ADAMTS19: variants seen among roughly 807,000 people sequenced by gnomAD.
The protein encoded by ADAMTS19 is ADAM metallopeptidase with thrombospondin type 1 motif 19.
A neutral mutation model predicts 153.3 loss-of-function variants in ADAMTS19; 93 were observed. The observed-to-expected ratio is 0.61, with a 90% CI of 0.51 to 0.72. The LOEUF is 0.72. Ranked by LOEUF, ADAMTS19 falls within the 30% of genes least tolerant of loss-of-function variation. The probability of loss-of-function intolerance (pLI) is 0.00; values close to 1 mark genes in which losing one functional copy is unlikely to be tolerated. For synonymous variants in ADAMTS19, 600 were observed against 556.6 expected (o/e 1.08, Z -1.10); for missense variants, 1,482 against 1,552.1 (o/e 0.95, Z 0.76).
intron 15 of ADAMTS19, 149 bp downstream of exon 15, chr5:129,658,886 A>G (rs1218654952): frequency 3.4e-6 from 3 of 891,556 alleles, no homozygotes; most frequent in Non-Finnish European, 4.8e-6. Context: ...CATACAATAC[A>G]TGTGATATGA....
intron 21 of ADAMTS19, among the ~76,000 whole-genome samples, chr5:129,713,054 G>A (rs1012794526): frequency 5.9e-5 from 9 of 152,116 alleles, no homozygotes; most frequent in African/African-American, 2.2e-4. Flanking sequence ...CAGCGTAATA[G>A]GGAATCTATA....
chr5:129,737,188 C>T lies in ADAMTS19; in HGVS notation c.3612C>T (p.Phe1204=). 6.2e-7 allele frequency: 1 copy of T among 1,607,508 alleles called. No individual in the cohort carries two copies. The highest frequency in any genetic ancestry group is 8.5e-7 in the Non-Finnish European group (1 of 1,175,784). The part of the protein sequence containing the change: ...YQRCCETCRD[F]YAQKLQQKS Reference sequence around the variant, plus strand: ...GCTGCTGTGAAACATGCAGGGACTTCTATGCCCAAAAGCTGCAGCAGAAGA... The same window carrying T: ...GCTGCTGTGAAACATGCAGGGACTTTTATGCCCAAAAGCTGCAGCAGAAGA... Residue 1204 remains phenylalanine (F), a synonymous_variant, in exon 23 of 23, where the codon TTC becomes TTT. Transcript: ENST00000274487.
chr5:129,461,851 C>A lies in ADAMTS19; in HGVS notation c.747+94C>A. 1 of 1,432,126 alleles carries A rather than the reference C, an allele frequency of 7.0e-7. No individual in the cohort carries two copies. The highest frequency in any genetic ancestry group is 1.6e-5 in the South Asian group (1 of 63,364). The allele number at this position is 1,432,126 out of a possible 1,614,324, so 88.7% of individuals were successfully genotyped here. The stretch of plus-strand genomic sequence containing the variant: ...GATTTGCATGCACCTTCTCCCCTTT[C>A]AGTGTGCTCCTTTTGAGCTTGGCCC... On this transcript the variant is annotated intron_variant, in intron 2 of 22. Transcript: ENST00000274487. The surrounding 1 kb of genome is among the most constrained non-coding windows in gnomAD (Gnocchi z 4.6).
chr5:129,474,179 A>G (rs758068319), intron 2 of ADAMTS19, among the ~76,000 whole-genome samples: 3 of 152,088 alleles, frequency 2.0e-5, no homozygotes, highest in Non-Finnish European at 4.4e-5. Flanking sequence ...GTCCTCATTC[A>G]CTTAGCATGA....
intron 6 of ADAMTS19, among the ~76,000 whole-genome samples, chr5:129,551,173 A>T (rs2126822232): frequency 6.6e-6 from 1 of 151,792 alleles, no homozygotes; most frequent in Admixed American, 6.6e-5. Context: ...TAAGAGGTAG[A>T]TTAAAAGTTT....
chr5:129,585,529 T>C (rs1300427761), intron 7 of ADAMTS19, among the ~76,000 whole-genome samples: 1 of 152,198 alleles, frequency 6.6e-6, no homozygotes, highest in African/African-American at 2.4e-5. Flanking sequence ...ACTATATCCC[T>C]ACTACATATT....
At chr5:129,610,059 T>C (rs1330087011) in intron 8 of ADAMTS19, among the ~76,000 whole-genome samples, 1 of 150,288 alleles carries the variant, frequency 6.7e-6, no homozygotes, top group East Asian at 1.9e-4. Context: ...TAACAACTTC[T>C]GTTCTCTGAA....
At chr5:129,468,594 C>T (rs566577375) in intron 2 of ADAMTS19, among the ~76,000 whole-genome samples, 6 of 152,052 alleles carry the variant, frequency 3.9e-5, no homozygotes, top group African/African-American at 9.6e-5. Flanking sequence ...CCTCATGATC[C>T]GCCCACCTTG....
At chr5:129,589,294 C>CT (rs1270868838) in intron 7 of ADAMTS19, among the ~76,000 whole-genome samples, 3 of 151,116 alleles carry the variant, frequency 2.0e-5, no homozygotes, top group Non-Finnish European at 4.4e-5. Context: ...GGTCAGCTTC[C>CT]TTTTTTTTGT....
intron 18 of ADAMTS19, among the ~76,000 whole-genome samples, chr5:129,688,538 A>T (rs1214702819): frequency 6.6e-6 from 1 of 152,148 alleles, no homozygotes; most frequent in African/African-American, 2.4e-5. Flanking sequence ...TATTTCAAAT[A>T]TGTATTTATT....
intron 20 of ADAMTS19, 56 bp downstream of exon 20, chr5:129,701,648 A>G: frequency 6.4e-7 from 1 of 1,570,480 alleles, no homozygotes; most frequent in South Asian, 1.2e-5. Context: ...AGCTTGTACA[A>G]GATCAGGTTG....
chr5:129,659,811 C>T (rs1753746703), intron 15 of ADAMTS19, among the ~76,000 whole-genome samples: 1 of 152,058 alleles, frequency 6.6e-6, no homozygotes, highest in South Asian at 2.1e-4. Context: ...CTGGTCTCAA[C>T]TCCTGGGCTC....
chr5:129,639,349 C>A (rs1358763742), intron 10 of ADAMTS19, among the ~76,000 whole-genome samples: 2 of 152,102 alleles, frequency 1.3e-5, no homozygotes, highest in Non-Finnish European at 2.9e-5. Context: ...CATTTTCTTG[C>A]CTTACTTGTG....
At chr5:129,683,995 A>G (rs1754948522) in intron 17 of ADAMTS19, 125 bp from the exon 18 acceptor site, 2 of 1,005,354 alleles carry the variant, frequency 2.0e-6, no homozygotes, top group Non-Finnish European at 2.8e-6. Flanking sequence ...CCACAACAGC[A>G]ACAACAACAA....
chr5:129,580,783 T>A (rs1004669116), intron 7 of ADAMTS19, among the ~76,000 whole-genome samples: 1 of 152,166 alleles, frequency 6.6e-6, no homozygotes, highest in Non-Finnish European at 1.5e-5. Context: ...GGGGTGAAGC[T>A]GACTTGATCG....
chr5:129,556,704 C>T (rs1753325398), intron 7 of ADAMTS19, among the ~76,000 whole-genome samples: 1 of 151,970 alleles, frequency 6.6e-6, no homozygotes, highest in Admixed American at 6.6e-5. Flanking sequence ...GACATGATTA[C>T]TAAAGAAAGA....
chr5:129,626,819 T>C (rs1752072315), intron 10 of ADAMTS19, among the ~76,000 whole-genome samples: 1 of 152,102 alleles, frequency 6.6e-6, no homozygotes, highest in African/African-American at 2.4e-5. Context: ...GCATATCTAA[T>C]ATGTTAGTTG....
rs141665504 is a variant in ADAMTS19 at position 129,516,349 on chromosome 5, T to C, written c.913+7107T>C. ...GGAAGTATTCCCTCCTCTTATATAT[T>C]TTTTGGAATAGTTTGACTAGGATGG... On this transcript the variant is annotated intron_variant, in intron 3 of 22. Coordinates refer to ENST00000274487, the MANE Select transcript of ADAMTS19 (RefSeq NM_133638.6). 6.7e-3 allele frequency among the ~76,000 whole-genome samples: 1,016 copies of C among 151,610 alleles called. 4 individuals are homozygous for C. The highest frequency in any genetic ancestry group is 0.024 in the Middle Eastern group (7 of 294).
At chr5:129,545,788 G>A (rs986628058) in intron 6 of ADAMTS19, among the ~76,000 whole-genome samples, 1 of 150,708 alleles carries the variant, frequency 6.6e-6, no homozygotes, top group Non-Finnish European at 1.5e-5. Flanking sequence ...ACTGTTGGTG[G>A]GACTGTAAAC....
Sources: gnomAD v4.1 joint callset for allele counts (sites outside exome capture counted in the v4.1 genomes callset) on GRCh38, gnomAD v4.1.1 for gene constraint, Gnocchi (gnomAD v3.1) non-coding constraint, MANE v1.5 for transcripts, NCBI Gene and HGNC (gene_info 2026-07-23, HGNC 2026-07-21) for gene names.